The following PDHX variants were observed in gnomAD, a reference collection of about 807,000 sequenced individuals.
PDHX encodes pyruvate dehydrogenase protein X component, mitochondrial.
A neutral mutation model predicts 55.3 loss-of-function variants in PDHX; 33 were observed. That is an observed-to-expected ratio of 0.60 (90% CI 0.45 to 0.80). PDHX has a LOEUF of 0.80. PDHX is among the 30% of genes least tolerant of loss of function. PDHX has a pLI of 0.00. For missense variants in PDHX, 622 were observed against 619.9 expected (o/e 1.00, Z -0.04); for synonymous variants, 226 against 219.4 (o/e 1.03, Z -0.27).
At chr11:34,955,517 T>C (rs557465963) in intron 3 of PDHX, among the ~76,000 whole-genome samples, 4 of 152,326 alleles carry the variant, frequency 2.6e-5, no homozygotes, top group Admixed American at 2.6e-4. Flanking sequence ...TCACTTGTCC[T>C]TGTCCATTGT....
rs74524673 is a variant in PDHX at position 34,995,199 on chromosome 11, A to C, written c.*27A>C. The C allele has an allele frequency of 1.4e-3, 2,305 of 1,612,156 alleles. 31 individuals carry two copies. The East Asian group carries it at 0.021, about 15-fold the overall frequency. ...CCTCAAAGATAAGAAGTTGGTGTTC[A>C]GCTTAGTTGATTCAGTAGTTGTTAC... is the stretch of plus-strand genomic sequence containing the variant. On this transcript the variant is annotated 3_prime_UTR_variant, in exon 11 of 11. Transcript: ENST00000227868.
At chr11:34,927,011 A>T (rs1854039924) in intron 1 of PDHX, among the ~76,000 whole-genome samples, 1 of 143,252 alleles carries the variant, frequency 7.0e-6, no homozygotes, top group African/African-American at 2.9e-5. Flanking sequence ...CATTCTGTTG[A>T]TGTAAAAAAA....
At chr11:34,923,755 G>A (rs918583542) in intron 1 of PDHX, among the ~76,000 whole-genome samples, 1 of 152,170 alleles carries the variant, frequency 6.6e-6, no homozygotes, top group African/African-American at 2.4e-5. Flanking sequence ...TTGAGGTCGA[G>A]AATCTGGTTT....
Position 34,916,696 on chromosome 11 carries a change from T to G in PDHX, c.41T>G (p.Leu14Arg). 1 of 1,612,602 alleles carries G rather than the reference T, an allele frequency of 6.2e-7. No homozygotes were observed. Among genetic ancestry groups the G allele is most frequent in the Non-Finnish European group, 8.5e-7 (1 of 1,179,934 alleles). Reference sequence around the variant, plus strand: ...AGGCTGGGCTGTGATCCGCGGCTGCTGCGTTATCTTGTGGGCTTCCCCGGC... The same window carrying G: ...AGGCTGGGCTGTGATCCGCGGCTGCGGCGTTATCTTGTGGGCTTCCCCGGC... Reference protein sequence around the residue: ...SWRLGCDPRLLRYLVGFPGRR... With the variant: ...SWRLGCDPRLRRYLVGFPGRR... The change falls in exon 1 of 11, where the codon CTG becomes CGG. Residue 14 changes from leucine to arginine, a missense_variant. Leu to Arg is a moderately radical substitution (Grantham distance 102, BLOSUM62 -2). Coordinates refer to ENST00000227868, the MANE Select transcript of PDHX (RefSeq NM_003477.3).
At chr11:34,952,997 A>C (rs1202965594) in intron 3 of PDHX, among the ~76,000 whole-genome samples, 1 of 152,110 alleles carries the variant, frequency 6.6e-6, no homozygotes, top group Non-Finnish European at 1.5e-5. Flanking sequence ...GCAAAGTCTC[A>C]GGATACAAAA....
chr11:34,916,953 G>C lies in PDHX; in HGVS notation c.160+138G>C. On this transcript the variant is annotated intron_variant, in intron 1 of 10. Transcript: ENST00000227868. ...TTCCCTTTCCTCTTTCTCCGGTTGGGGTCCGCCGACTTGGCCTAATGCATG... is the reference window on the plus strand; with the variant it reads ...TTCCCTTTCCTCTTTCTCCGGTTGGCGTCCGCCGACTTGGCCTAATGCATG... 7 of 916,130 alleles carry C rather than the reference G, an allele frequency of 7.6e-6. 1 individual carries two copies. The South Asian group carries it at 8.5e-5, about 11-fold the overall frequency. The allele number at this position is 916,130 out of a possible 1,614,324, so 56.8% of individuals were successfully genotyped here. A position where few individuals can be genotyped will look rare whatever the true frequency, so the allele number is the denominator to read the frequency against.
At chr11:34,949,238 TTTTTTG>T (rs1003544099) in intron 3 of PDHX, among the ~76,000 whole-genome samples, 9 of 149,840 alleles carry the variant, frequency 6.0e-5, no homozygotes, top group East Asian at 3.9e-4. Context: ...TTTTCTTCTG[TTTTTTG>T]TTTTTGTTTT....
rs1461425708 is a variant in PDHX at position 34,995,983 on chromosome 11, G to A, written c.*811G>A. 2 of 152,100 alleles carry A rather than the reference G, an allele frequency of 1.3e-5. No homozygotes were observed. The highest frequency in any genetic ancestry group is 2.9e-5 in the Non-Finnish European group (2 of 67,972). 9.4% of individuals were successfully genotyped at this position (152,100 alleles called of 1,614,324 possible). A position where few individuals can be genotyped will look rare whatever the true frequency, so the allele number is the denominator to read the frequency against. On this transcript the variant is annotated 3_prime_UTR_variant, in exon 11 of 11. Coordinates refer to ENST00000227868, the MANE Select transcript of PDHX (RefSeq NM_003477.3). ...TTATCTCTTGCCAAACATTTTGTTA[G>A]TGTTTATTTAAAAACAAAATGTTGT...
chr11:34,978,611 C>T (rs533273460), intron 8 of PDHX, among the ~76,000 whole-genome samples: 8 of 152,158 alleles, frequency 5.3e-5, no homozygotes, highest in African/African-American at 1.4e-4. Context: ...AATTTAGATA[C>T]GGCCTGAGAA....
At chr11:34,933,349 A>C (rs954777390) in intron 2 of PDHX, among the ~76,000 whole-genome samples, 8 of 152,202 alleles carry the variant, frequency 5.3e-5, no homozygotes, top group African/African-American at 1.9e-4. Flanking sequence ...CTAATAGATT[A>C]TAACTGAAGG....
chr11:34,947,298 A>T (rs1181438475), intron 2 of PDHX, among the ~76,000 whole-genome samples: 4 of 152,032 alleles, frequency 2.6e-5, no homozygotes, highest in Non-Finnish European at 4.4e-5. Context: ...ATTTATGTCC[A>T]TTATAGAGCT....
intron 3 of PDHX, among the ~76,000 whole-genome samples, chr11:34,956,625 A>G (rs2133971996): frequency 6.6e-6 from 1 of 152,238 alleles, no homozygotes; most frequent in African/African-American, 2.4e-5. Flanking sequence ...TGCTGCTGAA[A>G]TGCTTAAAAT....
intron 9 of PDHX, among the ~76,000 whole-genome samples, chr11:34,989,685 G>A (rs544480192): frequency 2.0e-5 from 3 of 152,234 alleles, no homozygotes; most frequent in African/African-American, 7.2e-5. Context: ...CAGTTCAGTT[G>A]CTAATTTCTT....
intron 1 of PDHX, among the ~76,000 whole-genome samples, chr11:34,924,545 A>G (rs1374177775): frequency 2.6e-5 from 4 of 152,272 alleles, no homozygotes; most frequent in South Asian, 2.1e-4. Context: ...ACAAAAATCT[A>G]TTTATGGCAC....
upstream of PDHX, chr11:34,915,949 C>G: frequency 1.8e-6 from 1 of 557,754 alleles, no homozygotes; most frequent in Admixed American, 3.2e-5. Flanking sequence ...GTGAGGTCAC[C>G]TAAACGCTCT....
chr11:34,988,246 A>G (rs1051207916), intron 9 of PDHX, among the ~76,000 whole-genome samples: 5 of 152,206 alleles, frequency 3.3e-5, no homozygotes, highest in Non-Finnish European at 7.3e-5. Flanking sequence ...CAATAATAGC[A>G]GCGGGCATAC....
chr11:34,980,258 A>G (rs1014348344), intron 8 of PDHX, among the ~76,000 whole-genome samples: 1 of 144,670 alleles, frequency 6.9e-6, no homozygotes, highest in Non-Finnish European at 1.5e-5. Context: ...TTGTTTTGTT[A>G]TGTATTTTTT....
chr11:34,986,307 CAAAA>C (rs755119406), intron 9 of PDHX, among the ~76,000 whole-genome samples: 1 of 65,114 alleles, frequency 1.5e-5, no homozygotes, highest in East Asian at 6.9e-4. Context: ...CACTGTATCT[CAAAA>C]AAAAAAAAAA....
intron 1 of PDHX, among the ~76,000 whole-genome samples, chr11:34,930,579 C>T (rs1339451765): frequency 3.3e-5 from 5 of 152,130 alleles, no homozygotes; most frequent in South Asian, 4.1e-4. Flanking sequence ...AGGGGATGGA[C>T]GTATTTGTTA....
Sources: gnomAD v4.1 joint callset for allele counts (sites outside exome capture counted in the v4.1 genomes callset) on GRCh38, gnomAD v4.1.1 for gene constraint, MANE v1.5 for transcripts, NCBI Gene and HGNC (gene_info 2026-07-23, HGNC 2026-07-21) for gene names.